The following DGKI variants were observed in gnomAD, a reference collection of about 807,000 sequenced individuals.
DGKI encodes the protein diacylglycerol kinase iota, also known as DAG kinase iota.
A neutral mutation model predicts 147.5 loss-of-function variants in DGKI; 55 were observed. That is an observed-to-expected ratio of 0.37 (90% CI 0.30 to 0.47). The LOEUF (loss-of-function observed/expected upper bound fraction) is 0.47, where lower values mean the gene tolerates loss of function less well. DGKI is among the 20% of genes least tolerant of loss of function. The pLI, the probability that DGKI is intolerant of heterozygous loss-of-function variation, is 1.00. For missense variants in DGKI, 1,007 were observed against 1,323.8 expected, an observed-to-expected ratio of 0.76 and a Z score of 3.71; for synonymous variants, 469 against 477.1, an observed-to-expected ratio of 0.98 and a Z score of 0.22.
chr7:137,678,615 G>A lies in DGKI; in HGVS notation c.548C>T (p.Thr183Ile). The change falls in exon 3 of 33, where the codon ACC (threonine) becomes ATC (isoleucine). Residue 183 changes from threonine to isoleucine, a missense_variant. By Grantham distance (89) the Thr-to-Ile change is moderately conservative. This residue lies in a region of DGKI where 259 missense variants were observed against 362.5 expected (regional missense o/e 0.71). Coordinates refer to ENST00000614521, the MANE Select transcript of DGKI (RefSeq NM_001321708.2). ...AVNGEHLWLETNVSGDLCYLG... is the reference protein window; with the variant it reads ...AVNGEHLWLEINVSGDLCYLG... Reference sequence around the variant, plus strand: ...GTAGCAGAGGTCTCCCGAGACGTTGGTCTCCAGCCACAGGTGTTCTCCATT... The same window carrying A: ...GTAGCAGAGGTCTCCCGAGACGTTGATCTCCAGCCACAGGTGTTCTCCATT... 2 of 1,614,062 alleles carry A rather than the reference G, an allele frequency of 1.2e-6. No homozygotes were observed. Among genetic ancestry groups the A allele is most frequent in the Non-Finnish European group, 1.7e-6 (2 of 1,179,990 alleles).
chr7:137,591,974 A>G (rs1266212832), intron 12 of DGKI, among the ~76,000 whole-genome samples: 1 of 152,192 alleles, frequency 6.6e-6, no homozygotes, highest in African/African-American at 2.4e-5. Flanking sequence ...TCCCTGCAGT[A>G]AAAAAGGGGC....
chr7:137,485,461 T>A, intron 22 of DGKI, 43 bp from the exon 23 acceptor site: 1 of 1,499,502 alleles, frequency 6.7e-7, no homozygotes, highest in Non-Finnish European at 9.1e-7. Flanking sequence ...TTAAAATTAG[T>A]TTGAACAAGC....
intron 6 of DGKI, among the ~76,000 whole-genome samples, chr7:137,638,538 A>G (rs949614064): frequency 8.4e-6 from 1 of 119,652 alleles, no homozygotes; most frequent in Admixed American, 8.1e-5. Context: ...ACACACATAT[A>G]TGTATATATA....
intron 15 of DGKI, among the ~76,000 whole-genome samples, chr7:137,579,444 A>G (rs1343927847): frequency 6.6e-6 from 1 of 151,206 alleles, no homozygotes; most frequent in African/African-American, 2.4e-5. Flanking sequence ...AGTAAAAAAA[A>G]AAAAAAAGAA....
intron 19 of DGKI, among the ~76,000 whole-genome samples, chr7:137,563,548 AAAC>A (rs1818486557): frequency 6.6e-6 from 1 of 152,048 alleles, no homozygotes; most frequent in Non-Finnish European, 1.5e-5. Flanking sequence ...CTATTAAAAA[AAAC>A]AAGCTACTGG....
At position 137,521,862 on chromosome 7, in the gene DGKI, T is replaced by A; in HGVS notation, c.2248+4A>T. ...ATGAAATCAATGAGGCACTTCCAAC[T>A]TACAAGCTTCTCGGAGTTTCTCCTT... On this transcript the variant is annotated splice_donor_region_variant and intron_variant, in intron 21 of 32. Coordinates refer to ENST00000614521, the MANE Select transcript of DGKI (RefSeq NM_001321708.2). The A allele has an allele frequency of 1.9e-6, 3 of 1,607,264 alleles. No homozygotes were observed. The highest frequency in any genetic ancestry group is 1.7e-6 in the Non-Finnish European group (2 of 1,174,718).
chr7:137,540,734 T>C (rs1264327744), intron 20 of DGKI, among the ~76,000 whole-genome samples: 3 of 90,094 alleles, frequency 3.3e-5, no homozygotes, highest in Admixed American at 1.4e-4. Flanking sequence ...CAATGAGCAA[T>C]TGGAAACAAA....
At chr7:137,625,076 T>TATCC (rs1820886795) in intron 6 of DGKI, among the ~76,000 whole-genome samples, 1 of 152,240 alleles carries the variant, frequency 6.6e-6, no homozygotes, top group Admixed American at 6.5e-5. Context: ...TTGAAAAATG[T>TATCC]ATCCATCAAT....
chr7:137,641,633 G>A (rs534438013), intron 6 of DGKI, among the ~76,000 whole-genome samples: 6 of 152,226 alleles, frequency 3.9e-5, no homozygotes, highest in East Asian at 1.9e-4. Flanking sequence ...TTATGTATAC[G>A]CAAATGTTCC....
chr7:137,659,928 A>G (rs1015053048), intron 3 of DGKI, among the ~76,000 whole-genome samples: 8 of 152,204 alleles, frequency 5.3e-5, no homozygotes, highest in South Asian at 4.1e-4. Flanking sequence ...GCGAGACTCC[A>G]TCTCAAAAAA....
chr7:137,519,652 G>A (rs1013758588), intron 21 of DGKI, among the ~76,000 whole-genome samples: 1 of 151,898 alleles, frequency 6.6e-6, no homozygotes, highest in Non-Finnish European at 1.5e-5. Flanking sequence ...GCTTGCTTTT[G>A]TCTTTATACT....
At chr7:137,552,793 T>C (rs1818095377) in intron 19 of DGKI, among the ~76,000 whole-genome samples, 1 of 150,154 alleles carries the variant, frequency 6.7e-6, no homozygotes, top group Middle Eastern at 3.2e-3. Context: ...CAGGCACCTG[T>C]AGTCCCAGCT....
intron 1 of DGKI, among the ~76,000 whole-genome samples, chr7:137,746,580 G>T (rs1176051546): frequency 3.9e-5 from 6 of 152,082 alleles, no homozygotes; most frequent in Admixed American, 3.9e-4. Flanking sequence ...TTGTTTGTTT[G>T]TTTTTTAAGC....
rs199903818 is a variant in DGKI at position 137,537,461 on chromosome 7, T to TA, written c.2147+14907dup. ...GGAAATCCATCAGAAAATACAGAAA[T>TA]AAAAAAAAATTATCGATAATCCTAC... On this transcript the variant is annotated intron_variant, in intron 20 of 32. Coordinates refer to ENST00000614521, the MANE Select transcript of DGKI (RefSeq NM_001321708.2). Among the ~76,000 whole-genome samples the TA allele has an allele frequency of 5.4e-3, 814 of 151,420 alleles. 7 individuals are homozygous for TA. The highest frequency in any genetic ancestry group is 0.019 in the African/African-American group (766 of 41,286).
chr7:137,457,534 T>C (rs1426724881), intron 27 of DGKI, among the ~76,000 whole-genome samples: 1 of 152,212 alleles, frequency 6.6e-6, no homozygotes, highest in African/African-American at 2.4e-5. Flanking sequence ...GCTTAGAACA[T>C]CTGAGTTTTC....
chr7:137,589,383 TAA>T (rs1460282217), intron 12 of DGKI, among the ~76,000 whole-genome samples: 4 of 152,216 alleles, frequency 2.6e-5, no homozygotes, highest in African/African-American at 9.6e-5. Flanking sequence ...ATGTGGTAAC[TAA>T]AAATCCAGAC....
At chr7:137,682,483 C>T (rs1195476261) in intron 2 of DGKI, among the ~76,000 whole-genome samples, 1 of 152,024 alleles carries the variant, frequency 6.6e-6, no homozygotes, top group Non-Finnish European at 1.5e-5. Flanking sequence ...GCATAAAGCC[C>T]AATGTTCCGC....
intron 28 of DGKI, among the ~76,000 whole-genome samples, chr7:137,421,422 C>T (rs1300174945): frequency 6.6e-6 from 1 of 152,150 alleles, no homozygotes; most frequent in Admixed American, 6.5e-5. Context: ...TGGTTCTTTC[C>T]ATCTGCTGTG....
chr7:137,566,362 G>A (rs1818585499), intron 19 of DGKI, among the ~76,000 whole-genome samples: 1 of 151,068 alleles, frequency 6.6e-6, no homozygotes, highest in African/African-American at 2.4e-5. Context: ...ATTTCATCCT[G>A]AATGAAAAAA....
Sources: gnomAD v4.1 joint callset for allele counts (sites outside exome capture counted in the v4.1 genomes callset) on GRCh38, gnomAD v4.1.1 for gene constraint, gnomAD v4.1.1 regional missense constraint, MANE v1.5 for transcripts, NCBI Gene and HGNC (gene_info 2026-07-23, HGNC 2026-07-21) for gene names.